HOMEZ: variants seen among roughly 807,000 people sequenced by gnomAD.
HOMEZ encodes homeobox and leucine zipper protein Homez.
Under a neutral mutation model 50.1 loss-of-function variants are expected in HOMEZ, and 20 were observed. The ratio of observed to expected loss-of-function variants is 0.40; its 90% CI spans 0.28 to 0.58. The LOEUF (loss-of-function observed/expected upper bound fraction) is 0.58, where lower values mean the gene tolerates loss of function less well. Ranked by LOEUF, HOMEZ falls within the 20% of genes least tolerant of loss-of-function variation. HOMEZ has a pLI of 0.46. For synonymous variants in HOMEZ, 239 were observed against 254.7 expected (o/e 0.94, Z 0.59); for missense variants, 579 against 680.5 (o/e 0.85, Z 1.66).
At chr14:23,281,129 T>C (rs540005248) in intron 1 of HOMEZ, among the ~76,000 whole-genome samples, 1 of 152,272 alleles carries the variant, frequency 6.6e-6, no homozygotes, top group Non-Finnish European at 1.5e-5. Flanking sequence ...GATTCCTATG[T>C]AAATGCTACA....
At position 23,275,522 on chromosome 14, in the gene HOMEZ, T is replaced by C; in HGVS notation, c.*53A>G. 6.7e-7 allele frequency: 1 copy of C among 1,491,632 alleles called. No homozygotes were observed. 92.4% of individuals were successfully genotyped at this position (1,491,632 alleles called of 1,614,324 possible). ...AATGTGGTTTCTTTGTTTAAACAGT[T>C]ACTAAGTTGGTTCATCTTTCAGTAA... is the stretch of plus-strand genomic sequence containing the variant. On this transcript the variant is annotated 3_prime_UTR_variant, in exon 2 of 2. Transcript: ENST00000357460.
Position 23,286,118 on chromosome 14 carries a change from G to A in HOMEZ, c.-166C>T, listed in dbSNP as rs1886661253. ...CTACCCAGCCCTGCTCGAGCAAGTT[G>A]GAGGCGGGGCGGATGGGTGGGGTGG... On this transcript the variant is annotated 5_prime_UTR_variant, in exon 1 of 2. Transcript: ENST00000357460. The A allele has an allele frequency of 3.3e-6, 4 of 1,229,420 alleles. No homozygotes were observed. Among genetic ancestry groups the A allele is most frequent in the Non-Finnish European group, 4.1e-6 (4 of 986,700 alleles). The allele number at this position is 1,229,420 out of a possible 1,614,324, so 76.2% of individuals were successfully genotyped here.
Position 23,276,791 on chromosome 14 carries a change from C to A in HOMEZ, c.437G>T (p.Gly146Val). ...KSLLSFTHHA[G>V]RPPEEVPPPP... Reference sequence around the variant, plus strand: ...AGGAGGCACCTCCTCTGGGGGCCGTCCCGCATGATGAGTAAAAGAGAGAAG... The same window carrying A: ...AGGAGGCACCTCCTCTGGGGGCCGTACCGCATGATGAGTAAAAGAGAGAAG... Residue 146 changes from glycine to valine, a missense_variant, in exon 2 of 2, where the codon GGA (glycine) becomes GTA (valine). Physicochemically the swap from Gly to Val is moderately radical, Grantham distance 109. Transcript: ENST00000357460. This position sits in a 1 kb window ranked among gnomAD's most constrained non-coding sequence, Gnocchi z 4.1. The A allele has an allele frequency of 6.2e-7, 1 of 1,614,034 alleles. No homozygotes were observed. The highest frequency in any genetic ancestry group is 1.7e-4 in the Middle Eastern group (1 of 6,060).
At chr14:23,284,792 G>A (rs1362534786) in intron 1 of HOMEZ, among the ~76,000 whole-genome samples, 3 of 152,266 alleles carry the variant, frequency 2.0e-5, no homozygotes, top group African/African-American at 7.2e-5. Context: ...AAAGTACTCT[G>A]CACTCAGAAG....
At position 23,280,697 on chromosome 14, in the gene HOMEZ, T is replaced by A. The variant is rs1016587220; in HGVS notation, c.41-3510A>T. Among the ~76,000 whole-genome samples the A allele has an allele frequency of 9.5e-5, 11 of 115,284 alleles. 1 individual carries two copies. Among genetic ancestry groups the A allele is most frequent in the East Asian group, 6.0e-4 (2 of 3,346 alleles). The allele number at this position is 115,284 out of a possible 152,430, so 75.6% of individuals were successfully genotyped here. A position where few individuals can be genotyped will look rare whatever the true frequency, so the allele number is the denominator to read the frequency against. On this transcript the variant is annotated intron_variant, in intron 1 of 1. Coordinates refer to ENST00000357460, the MANE Select transcript of HOMEZ (RefSeq NM_020834.3). ...CACATCTGTTATATTTTATTTTTATTTTTATATTTTTATTTTTATTTTATT... is the reference window on the plus strand; with the variant it reads ...CACATCTGTTATATTTTATTTTTATATTTATATTTTTATTTTTATTTTATT...
Position 23,275,446 on chromosome 14 carries a change from A to G in HOMEZ, c.*129T>C. 8.1e-7 allele frequency: 1 copy of G among 1,239,372 alleles called. No homozygotes were observed. Among genetic ancestry groups the G allele is most frequent in the South Asian group, 1.6e-5 (1 of 62,206 alleles). The allele number at this position is 1,239,372 out of a possible 1,614,324, so 76.8% of individuals were successfully genotyped here. A position where few individuals can be genotyped will look rare whatever the true frequency, so the allele number is the denominator to read the frequency against. On this transcript the variant is annotated 3_prime_UTR_variant, in exon 2 of 2. Coordinates refer to ENST00000357460, the MANE Select transcript of HOMEZ (RefSeq NM_020834.3). ...CCCTCACTATATCCCCCTGCCACCC[A>G]CCCTGAAGAACACAAAGCTTTTTAG...
chr14:23,280,734 TATTTTATTA>T (rs1566451160), intron 1 of HOMEZ, among the ~76,000 whole-genome samples: 3 of 74,410 alleles, frequency 4.0e-5, no homozygotes, highest in African/African-American at 1.6e-4. Flanking sequence ...TATTTTATTT[TATTTTATTA>T]TTTTATTTTA....
intron 1 of HOMEZ, among the ~76,000 whole-genome samples, chr14:23,282,329 A>G (rs974041952): frequency 6.6e-6 from 1 of 152,204 alleles, no homozygotes; most frequent in African/African-American, 2.4e-5. Flanking sequence ...CCACTTAAAA[A>G]AATGTATGAA....
rs1835230464 is a variant in HOMEZ, at chr14:23,276,448, C to A, written c.780G>T (p.Arg260=). ...HSTTVPQPQA[R]DKPPPIALIA... is the part of the protein sequence containing the mutation. ...TTAATGCAATTGGTGGGGGTTTATC[C>A]CGAGCTTGTGGCTGGGGGACGGTTG... is the stretch of plus-strand genomic sequence containing the variant. The change falls in exon 2 of 2, where the codon CGG becomes CGT. Residue 260 remains arginine, a synonymous_variant. Coordinates refer to ENST00000357460, the MANE Select transcript of HOMEZ (RefSeq NM_020834.3). The surrounding 1 kb of genome is among the most constrained non-coding windows in gnomAD (Gnocchi z 4.1). 1.2e-6 allele frequency: 2 copies of A among 1,614,010 alleles called. No individual in the cohort carries two copies. Among genetic ancestry groups the A allele is most frequent in the Non-Finnish European group, 1.7e-6 (2 of 1,179,890 alleles).
chr14:23,278,761 C>T (rs536843500), intron 1 of HOMEZ, among the ~76,000 whole-genome samples: 6 of 152,154 alleles, frequency 3.9e-5, no homozygotes, highest in Admixed American at 6.6e-5. Context: ...CTGCAGCCTC[C>T]GCCTCCTGGG....
intron 1 of HOMEZ, among the ~76,000 whole-genome samples, chr14:23,280,711 T>TATTTTA (rs1555323554): frequency 5.8e-5 from 2 of 34,378 alleles, no homozygotes; most frequent in Admixed American, 7.4e-4. Flanking sequence ...ATATTTTTAT[T>TATTTTA]TTTATTTTAT....
Position 23,272,920 on chromosome 14 carries a change from C to T in HOMEZ, c.*2655G>A. 2.2e-6 allele frequency: 3 copies of T among 1,352,054 alleles called. No homozygotes were observed. The highest frequency in any genetic ancestry group is 3.1e-6 in the Non-Finnish European group (3 of 983,162). 83.8% of individuals were successfully genotyped at this position (1,352,054 alleles called of 1,614,324 possible). ...ATCTTCAAGATCTGATCTATACATG[C>T]TGCTGAAGGATGGACTGTAGCTTCC... On this transcript the variant is annotated 3_prime_UTR_variant, in exon 2 of 2. Transcript: ENST00000357460.
intron 1 of HOMEZ, 67 bp downstream of exon 1, chr14:23,285,846 G>A: frequency 1.1e-6 from 1 of 909,570 alleles, no homozygotes; most frequent in Non-Finnish European, 1.5e-6. Flanking sequence ...CGCGGGGATG[G>A]GGCTCCAGAG....
intron 1 of HOMEZ, 40 bp downstream of exon 1, chr14:23,285,873 G>A (rs1037472714): frequency 1.3e-5 from 15 of 1,173,646 alleles, no homozygotes; most frequent in Non-Finnish European, 1.5e-5. Flanking sequence ...GACCGTACAC[G>A]AGCTGGGAGG....
chr14:23,275,519 A>G lies in HOMEZ; in HGVS notation c.*56T>C. 1 of 1,481,162 alleles carries G rather than the reference A, an allele frequency of 6.8e-7. No individual in the cohort carries two copies. Among genetic ancestry groups the G allele is most frequent in the Non-Finnish European group, 9.0e-7 (1 of 1,115,324 alleles). 91.8% of individuals were successfully genotyped at this position (1,481,162 alleles called of 1,614,324 possible). On this transcript the variant is annotated 3_prime_UTR_variant, in exon 2 of 2. Coordinates refer to ENST00000357460, the MANE Select transcript of HOMEZ (RefSeq NM_020834.3). ...AAAAATGTGGTTTCTTTGTTTAAAC[A>G]GTTACTAAGTTGGTTCATCTTTCAG...
chr14:23,275,436 CCT>C lies in HOMEZ; in HGVS notation c.*137_*138del. The C allele has an allele frequency of 8.8e-7, 1 of 1,132,650 alleles. No homozygotes were observed. Among genetic ancestry groups the C allele is most frequent in the Non-Finnish European group, 1.2e-6 (1 of 813,432 alleles). The allele number at this position is 1,132,650 out of a possible 1,614,324, so 70.2% of individuals were successfully genotyped here. A position where few individuals can be genotyped will look rare whatever the true frequency, so the allele number is the denominator to read the frequency against. On this transcript the variant is annotated 3_prime_UTR_variant, in exon 2 of 2. Coordinates refer to ENST00000357460, the MANE Select transcript of HOMEZ (RefSeq NM_020834.3). ...CCCTGGTCCACCCTCACTATATCCC[CCT>C]GCCACCCACCCTGAAGAACACAAAG...
chr14:23,278,523 A>G (rs2140503727), intron 1 of HOMEZ, among the ~76,000 whole-genome samples: 1 of 151,980 alleles, frequency 6.6e-6, no homozygotes, highest in African/African-American at 2.4e-5. Flanking sequence ...ATGCAGCCAT[A>G]TCCGGCTAAT....
rs1886302756 is a variant in HOMEZ at position 23,274,851 on chromosome 14, A to G, written c.*724T>C. 6.6e-6 allele frequency: 1 copy of G among 151,930 alleles called. No homozygotes were observed. The highest frequency in any genetic ancestry group is 2.4e-5 in the African/African-American group (1 of 41,346). The allele number at this position is 151,930 out of a possible 1,614,324, so 9.4% of individuals were successfully genotyped here. A position where few individuals can be genotyped will look rare whatever the true frequency, so the allele number is the denominator to read the frequency against. The stretch of plus-strand genomic sequence containing the variant: ...AACCTGGGAGGCGGAGCTTGCAGTG[A>G]GCTGAGATTGCGCCATTGCACTACA... On this transcript the variant is annotated 3_prime_UTR_variant, in exon 2 of 2. Coordinates refer to ENST00000357460, the MANE Select transcript of HOMEZ (RefSeq NM_020834.3).
At position 23,275,794 on chromosome 14, in the gene HOMEZ, T is replaced by C. The variant is rs117434701; in HGVS notation, c.1434A>G (p.Glu478=). Residue 478 remains glutamate, a synonymous_variant, in exon 2 of 2, where the codon GAA becomes GAG. Transcript: ENST00000357460. ...RYWAAHQQLR[E]TDIPQLSQAS... ...CCTGACTCAATTGAGGGATATCAGT[T>C]TCCCGTAGCTGTTGGTGGGCTGCCC... is the stretch of plus-strand genomic sequence containing the variant. 870 of 1,611,874 alleles carry C rather than the reference T, an allele frequency of 5.4e-4. 2 individuals carry two copies. The East Asian group carries it at 0.018, about 33-fold the overall frequency.
Sources: gnomAD v4.1 joint callset for allele counts (sites outside exome capture counted in the v4.1 genomes callset) on GRCh38, gnomAD v4.1.1 for gene constraint, Gnocchi (gnomAD v3.1) non-coding constraint, MANE v1.5 for transcripts, NCBI Gene and HGNC (gene_info 2026-07-23, HGNC 2026-07-21) for gene names.